RPS6KA5: variants seen among roughly 807,000 people sequenced by gnomAD.
RPS6KA5 encodes ribosomal protein S6 kinase A5.
RPS6KA5 carries 27 observed loss-of-function variants against 85.5 expected under a neutral mutation model. The observed-to-expected ratio is 0.32, with a 90% CI of 0.23 to 0.44. RPS6KA5 has a LOEUF of 0.44. Ranked by LOEUF, RPS6KA5 falls within the 20% of genes least tolerant of loss-of-function variation. RPS6KA5 has a pLI of 1.00. For synonymous variants in RPS6KA5, 334 were observed against 348.2 expected, an observed-to-expected ratio of 0.96 and a Z score of 0.46; for missense variants, 811 against 980.9, an observed-to-expected ratio of 0.83 and a Z score of 2.31.
rs2034723038 is a variant in RPS6KA5, at chr14:90,894,418, G to A, written c.1639C>T (p.Pro547Ser). 1 of 1,613,308 alleles carries A rather than the reference G, an allele frequency of 6.2e-7. No homozygotes were observed. The highest frequency in any genetic ancestry group is 8.5e-7 in the Non-Finnish European group (1 of 1,179,590). ...GAGATCCAGTGATTTTATACCTCAGGTTTCAGATCCCTGTGCACCACTCCA... is the reference window on the plus strand; with the variant it reads ...GAGATCCAGTGATTTTATACCTCAGATTTCAGATCCCTGTGCACCACTCCA... ...DVGVVHRDLK[P>S]ENLLFTDEND... The change falls in exon 13 of 17, where the codon CCT becomes TCT. Residue 547 changes from proline (P) to serine (S), a missense_variant. This residue lies in a region of RPS6KA5 where 650 missense variants were observed against 793.4 expected (regional missense o/e 0.82). Transcript: ENST00000614987.
intron 1 of RPS6KA5, among the ~76,000 whole-genome samples, chr14:91,006,865 G>A (rs1247217513): frequency 6.6e-6 from 1 of 152,044 alleles, no homozygotes; most frequent in Admixed American, 6.6e-5. Context: ...CACCGCACCC[G>A]GCCCATTCTA....
At chr14:91,015,589 C>A (rs1052046772) in intron 1 of RPS6KA5, among the ~76,000 whole-genome samples, 2 of 152,178 alleles carry the variant, frequency 1.3e-5, no homozygotes, top group Non-Finnish European at 2.9e-5. Flanking sequence ...CATTTTTCCA[C>A]TGCAGTTCTA....
At chr14:91,027,909 C>A (rs2042044418) in intron 1 of RPS6KA5, among the ~76,000 whole-genome samples, 1 of 152,204 alleles carries the variant, frequency 6.6e-6, no homozygotes, top group Admixed American at 6.5e-5. Context: ...GAGCCAGAAT[C>A]TCCACCATAG....
chr14:91,027,349 T>C (rs1309438914), intron 1 of RPS6KA5, among the ~76,000 whole-genome samples: 2 of 152,190 alleles, frequency 1.3e-5, no homozygotes, highest in African/African-American at 4.8e-5. Context: ...CCCAGCACCA[T>C]TTCTTGAATA....
intron 1 of RPS6KA5, among the ~76,000 whole-genome samples, chr14:91,045,347 C>A (rs1486727602): frequency 6.6e-6 from 1 of 151,616 alleles, no homozygotes; most frequent in Admixed American, 6.6e-5. Flanking sequence ...TCACTGCAAC[C>A]TCTGTGTCCC....
intron 1 of RPS6KA5, among the ~76,000 whole-genome samples, chr14:91,010,098 A>G (rs756216229): frequency 2.6e-5 from 4 of 152,182 alleles, no homozygotes; most frequent in Non-Finnish European, 5.9e-5. Context: ...CAGATTTCAA[A>G]AAGCATAATG....
chr14:90,975,137 T>C (rs888208185), intron 3 of RPS6KA5, among the ~76,000 whole-genome samples: 8 of 152,098 alleles, frequency 5.3e-5, no homozygotes, highest in Non-Finnish European at 1.2e-4. Context: ...GTATTTTCTG[T>C]ATGCATATAT....
At chr14:91,034,499 C>A (rs143253142) in intron 1 of RPS6KA5, among the ~76,000 whole-genome samples, 58 of 151,930 alleles carry the variant, frequency 3.8e-4, no homozygotes, top group African/African-American at 1.4e-3. Context: ...TCTGTAAAAA[C>A]GCACCAATCA....
chr14:90,925,941 CAAAAAAAAAAAA>C (rs71117389), intron 5 of RPS6KA5, among the ~76,000 whole-genome samples: 1 of 73,526 alleles, frequency 1.4e-5, no homozygotes, highest in Non-Finnish European at 2.5e-5. Context: ...GACCCTGACT[CAAAAAAAAAAAA>C]AAAAAAAAAG....
intron 3 of RPS6KA5, among the ~76,000 whole-genome samples, chr14:90,973,253 C>T (rs2039405305): frequency 6.6e-6 from 1 of 152,096 alleles, no homozygotes; most frequent in African/African-American, 2.4e-5. Context: ...CCAGCCTAGC[C>T]AACATGGTGA....
chr14:90,961,317 A>AT (rs2038784247), intron 3 of RPS6KA5, among the ~76,000 whole-genome samples: 1 of 152,220 alleles, frequency 6.6e-6, no homozygotes, highest in Non-Finnish European at 1.5e-5. Flanking sequence ...CCAGAGTTGT[A>AT]CATCTTATGA....
At chr14:90,898,182 C>T (rs1268214758) in intron 12 of RPS6KA5, among the ~76,000 whole-genome samples, 1 of 152,150 alleles carries the variant, frequency 6.6e-6, no homozygotes, top group East Asian at 1.9e-4. Context: ...CCAGCCTTAC[C>T]ACACTTACCA....
At chr14:90,913,244 A>C (rs987977398) in intron 7 of RPS6KA5, among the ~76,000 whole-genome samples, 32 of 152,048 alleles carry the variant, frequency 2.1e-4, no homozygotes, top group Non-Finnish European at 4.4e-4. Context: ...TCTTCTGCCC[A>C]GTACACTAAC....
At chr14:91,014,607 T>C (rs2041404280) in intron 1 of RPS6KA5, among the ~76,000 whole-genome samples, 1 of 152,106 alleles carries the variant, frequency 6.6e-6, no homozygotes, top group Non-Finnish European at 1.5e-5. Context: ...TGCAAGCATA[T>C]TATTTACTTA....
chr14:91,034,272 TC>T (rs906210961), intron 1 of RPS6KA5, among the ~76,000 whole-genome samples: 1 of 145,342 alleles, frequency 6.9e-6, no homozygotes, highest in Non-Finnish European at 1.5e-5. Context: ...ACCATTGCAC[TC>T]CAGCCTGGGA....
intron 2 of RPS6KA5, among the ~76,000 whole-genome samples, chr14:90,980,804 C>G (rs1422938333): frequency 6.6e-6 from 1 of 152,198 alleles, no homozygotes; most frequent in Non-Finnish European, 1.5e-5. Context: ...TGAATGGACC[C>G]AGTGCTCCCT....
intron 1 of RPS6KA5, among the ~76,000 whole-genome samples, chr14:91,052,878 C>CA (rs1011291306): frequency 6.8e-5 from 10 of 147,980 alleles, no homozygotes; most frequent in African/African-American, 2.5e-4. Context: ...TGACAGAACT[C>CA]AATCAAGAAT....
At chr14:90,910,101 A>G (rs775857936) in intron 7 of RPS6KA5, among the ~76,000 whole-genome samples, 60 of 152,106 alleles carry the variant, frequency 3.9e-4, no homozygotes, top group Non-Finnish European at 7.5e-4. Context: ...TTAAAAAAAA[A>G]TGACCAGATC....
chr14:91,037,754 T>C (rs1173452151), intron 1 of RPS6KA5, among the ~76,000 whole-genome samples: 3 of 152,218 alleles, frequency 2.0e-5, no homozygotes, highest in African/African-American at 7.2e-5. Flanking sequence ...ACCAAGTTAT[T>C]AGGATGTCAA....
Sources: gnomAD v4.1 joint callset for allele counts (sites outside exome capture counted in the v4.1 genomes callset) on GRCh38, gnomAD v4.1.1 for gene constraint, gnomAD v4.1.1 regional missense constraint, MANE v1.5 for transcripts, NCBI Gene and HGNC (gene_info 2026-07-23, HGNC 2026-07-21) for gene names.